Variants in GRM5 observed in about 807,000 individuals in gnomAD.
GRM5 encodes metabotropic glutamate receptor 5.
In GRM5, 19 loss-of-function variants were observed where a neutral mutation model predicts 83.1. The observed-to-expected ratio is 0.23, with a 90% CI of 0.16 to 0.34. The LOEUF (loss-of-function observed/expected upper bound fraction) is 0.34. GRM5 is among the 10% of genes least tolerant of loss of function. The pLI, the probability that GRM5 is intolerant of heterozygous loss-of-function variation, is 1.00. For missense variants in GRM5, 1,160 were observed against 1,588.3 expected, an observed-to-expected ratio of 0.73 and a Z score of 4.58; for synonymous variants, 675 against 633.6, an observed-to-expected ratio of 1.07 and a Z score of -0.98.
intron 2 of GRM5, among the ~76,000 whole-genome samples, chr11:88,959,852 T>G (rs1938730601): frequency 6.6e-6 from 1 of 152,224 alleles, no homozygotes; most frequent in African/African-American, 2.4e-5. Context: ...GAATAAATCA[T>G]GAAGGCAAAC....
chr11:88,987,466 T>C (rs2135037592), intron 2 of GRM5, among the ~76,000 whole-genome samples: 1 of 151,802 alleles, frequency 6.6e-6, no homozygotes, highest in African/African-American at 2.4e-5. Context: ...CTTGCTTAGG[T>C]AAACAAAGCA....
chr11:88,995,205 A>C (rs1264500451), intron 2 of GRM5, among the ~76,000 whole-genome samples: 4 of 152,064 alleles, frequency 2.6e-5, no homozygotes, highest in African/African-American at 4.8e-5. Flanking sequence ...GAAATAAGAG[A>C]TCCAGCAAGA....
At chr11:88,595,728 C>G (rs929410703) in intron 6 of GRM5, among the ~76,000 whole-genome samples, 1 of 152,132 alleles carries the variant, frequency 6.6e-6, no homozygotes, top group Non-Finnish European at 1.5e-5. Flanking sequence ...ATGCCTTTCC[C>G]TCATTGTTCC....
chr11:89,022,922 G>T (rs1317123274), intron 2 of GRM5, among the ~76,000 whole-genome samples: 1 of 152,128 alleles, frequency 6.6e-6, no homozygotes, highest in East Asian at 1.9e-4. Flanking sequence ...CAAATGCTTT[G>T]TAGGAAATCT....
At chr11:88,566,180 G>A (rs992121791) in intron 8 of GRM5, among the ~76,000 whole-genome samples, 9 of 152,186 alleles carry the variant, frequency 5.9e-5, no homozygotes, top group African/African-American at 2.2e-4. Flanking sequence ...TTCTTAAATA[G>A]AGGTGATACT....
At chr11:88,871,879 G>C (rs1565270442) in intron 2 of GRM5, among the ~76,000 whole-genome samples, 1 of 150,720 alleles carries the variant, frequency 6.6e-6, no homozygotes, top group African/African-American at 2.4e-5. Flanking sequence ...GAGATAATAG[G>C]TTAGAAATAA....
At chr11:88,784,590 C>T (rs1350738356) in intron 3 of GRM5, among the ~76,000 whole-genome samples, 1 of 152,064 alleles carries the variant, frequency 6.6e-6, no homozygotes, top group Admixed American at 6.6e-5. Flanking sequence ...AGAACACAGA[C>T]TGCAAAGCCT....
chr11:88,646,310 C>T (rs1172323269), intron 4 of GRM5, among the ~76,000 whole-genome samples: 1 of 151,892 alleles, frequency 6.6e-6, no homozygotes, highest in Non-Finnish European at 1.5e-5. Flanking sequence ...CTTCTTATTA[C>T]TTTTAATTTA....
chr11:89,028,296 A>G (rs948116478), intron 2 of GRM5, among the ~76,000 whole-genome samples: 1 of 152,200 alleles, frequency 6.6e-6, no homozygotes, highest in Non-Finnish European at 1.5e-5. Flanking sequence ...TTAAGTATCA[A>G]ATTTTGGCAG....
chr11:88,775,125 A>G (rs1273301384), intron 3 of GRM5, among the ~76,000 whole-genome samples: 1 of 152,058 alleles, frequency 6.6e-6, no homozygotes, highest in Non-Finnish European at 1.5e-5. Context: ...TGAGCCTGTT[A>G]TTGGTCTATT....
At chr11:88,730,912 A>G (rs1451916660) in intron 3 of GRM5, among the ~76,000 whole-genome samples, 1 of 152,160 alleles carries the variant, frequency 6.6e-6, no homozygotes. Context: ...AGAAATACCT[A>G]ATGTAGATGA....
At chr11:88,604,093 G>A (rs1256292011) in intron 5 of GRM5, among the ~76,000 whole-genome samples, 3 of 151,994 alleles carry the variant, frequency 2.0e-5, no homozygotes, top group Non-Finnish European at 4.4e-5. Context: ...TGTGAATTAT[G>A]GTAAGTTCTG....
chr11:88,796,909 T>TAC (rs1164104847), intron 3 of GRM5, among the ~76,000 whole-genome samples: 31 of 90,436 alleles, frequency 3.4e-4, no homozygotes, highest in South Asian at 6.0e-4. Context: ...CGTGTGTGTG[T>TAC]GTGTGTGTGT....
intron 4 of GRM5, among the ~76,000 whole-genome samples, chr11:88,640,105 T>C (rs528240175): frequency 1.8e-4 from 28 of 152,288 alleles, no homozygotes; most frequent in African/African-American, 6.7e-4. Context: ...TGGACAAACT[T>C]TCATTCCTTT....
chr11:88,822,135 G>A (rs1322994541), intron 3 of GRM5, among the ~76,000 whole-genome samples: 1 of 152,136 alleles, frequency 6.6e-6, no homozygotes, highest in Non-Finnish European at 1.5e-5. Flanking sequence ...GCCAGACACT[G>A]AGAATACAAT....
intron 2 of GRM5, among the ~76,000 whole-genome samples, chr11:88,993,212 G>A (rs1302257962): frequency 6.3e-5 from 9 of 143,408 alleles, no homozygotes; most frequent in Non-Finnish European, 1.0e-4. Context: ...CTTGCAGTGA[G>A]CCGAGATTGT....
At chr11:89,002,016 C>T (rs2135071391) in intron 2 of GRM5, among the ~76,000 whole-genome samples, 1 of 152,102 alleles carries the variant, frequency 6.6e-6, no homozygotes, top group East Asian at 1.9e-4. Context: ...CTATTTTCTC[C>T]CCCTAGAGAG....
At chr11:88,649,444 A>T (rs1939572121) in intron 4 of GRM5, among the ~76,000 whole-genome samples, 1 of 143,828 alleles carries the variant, frequency 7.0e-6, no homozygotes, top group Non-Finnish European at 1.5e-5. Flanking sequence ...TTTATTATGT[A>T]TTATATATTA....
rs1306661033 is a variant in GRM5 at position 89,065,966 on chromosome 11, C to G, written c.-391G>C. On this transcript the variant is annotated 5_prime_UTR_variant, in exon 1 of 10. Transcript: ENST00000305447. ...TCGCGCCAGCGCCGGGAGCACGTGC[C>G]GCGCTCGGGCAGACGCAGCTGGAAG... is the stretch of plus-strand genomic sequence containing the variant. 6.6e-6 allele frequency: 1 copy of G among 152,184 alleles called. No homozygotes were observed. Among genetic ancestry groups the G allele is most frequent in the African/African-American group, 2.4e-5 (1 of 41,448 alleles). 9.4% of individuals were successfully genotyped at this position (152,184 alleles called of 1,614,324 possible). A position where few individuals can be genotyped will look rare whatever the true frequency, so the allele number is the denominator to read the frequency against.
Sources: gnomAD v4.1 joint callset for allele counts (sites outside exome capture counted in the v4.1 genomes callset) on GRCh38, gnomAD v4.1.1 for gene constraint, MANE v1.5 for transcripts, NCBI Gene and HGNC (gene_info 2026-07-23, HGNC 2026-07-21) for gene names.